The following PEX7 variants were observed in gnomAD, a reference collection of about 807,000 sequenced individuals.
PEX7 encodes the protein PTS2 receptor.
PEX7 carries 34 observed loss-of-function variants against 47.5 expected under a neutral mutation model. The ratio of observed to expected loss-of-function variants is 0.72; its 90% CI spans 0.54 to 0.95. The LOEUF (loss-of-function observed/expected upper bound fraction) is 0.95. Among genes scored for constraint, PEX7 ranks in the 40% least tolerant of loss-of-function variants. The probability of loss-of-function intolerance (pLI) is 0.00; values close to 1 mark genes in which losing one functional copy is unlikely to be tolerated. For missense variants in PEX7, 394 were observed against 400.3 expected (o/e 0.98, Z 0.13); for synonymous variants, 141 against 148.8 (o/e 0.95, Z 0.38).
chr6:136,863,146 T>C (rs1294863089), intron 5 of PEX7, among the ~76,000 whole-genome samples: 1 of 152,238 alleles, frequency 6.6e-6, no homozygotes, highest in African/African-American at 2.4e-5. Flanking sequence ...AAACTTATCA[T>C]TCATTTTTCA....
At chr6:136,867,407 G>A (rs1582758210) in intron 6 of PEX7, among the ~76,000 whole-genome samples, 2 of 152,006 alleles carry the variant, frequency 1.3e-5, no homozygotes, top group African/African-American at 4.8e-5. Context: ...AGGACAAGAT[G>A]TGAAGGTAGA....
At chr6:136,823,418 G>A in intron 1 of PEX7, 2 of 924,312 alleles carry the variant, frequency 2.2e-6, no homozygotes, top group South Asian at 5.0e-5. Flanking sequence ...CTCCCGTCGC[G>A]CGCATTGGCT....
chr6:136,828,534 G>T (rs562313757), intron 3 of PEX7, among the ~76,000 whole-genome samples: 66 of 152,300 alleles, frequency 4.3e-4, no homozygotes, highest in Middle Eastern at 3.4e-3. Flanking sequence ...AGCCCCTCTT[G>T]TCCAGGAAAC....
intron 9 of PEX7, among the ~76,000 whole-genome samples, chr6:136,899,307 A>G (rs1417830229): frequency 6.6e-6 from 1 of 151,844 alleles, no homozygotes; most frequent in East Asian, 1.9e-4. Context: ...CAGTGGCGCA[A>G]TCTTGGCTCA....
chr6:136,865,433 G>A (rs1582756819), intron 5 of PEX7, among the ~76,000 whole-genome samples: 2 of 152,070 alleles, frequency 1.3e-5, no homozygotes, highest in African/African-American at 4.8e-5. Context: ...CCAGTAGCTG[G>A]GATTACAGGC....
intron 8 of PEX7, among the ~76,000 whole-genome samples, chr6:136,879,072 C>CT (rs757643460): frequency 2.0e-5 from 3 of 151,592 alleles, no homozygotes; most frequent in Non-Finnish European, 4.4e-5. Flanking sequence ...TCTACTTTCG[C>CT]TTTTTTTTCC....
At chr6:136,857,967 G>A (rs982410105) in intron 5 of PEX7, among the ~76,000 whole-genome samples, 6 of 151,918 alleles carry the variant, frequency 3.9e-5, no homozygotes, top group Admixed American at 6.6e-5. Flanking sequence ...ACAGGTGTGC[G>A]CCACCACCCA....
intron 9 of PEX7, chr6:136,901,402 G>C (rs1775751550): frequency 6.6e-6 from 1 of 152,212 alleles, no homozygotes; most frequent in Non-Finnish European, 1.5e-5. Context: ...TCTTCTTTTG[G>C]TCTTTCCTGT....
intron 5 of PEX7, among the ~76,000 whole-genome samples, chr6:136,857,674 C>A (rs940325213): frequency 2.2e-5 from 2 of 89,316 alleles, no homozygotes; most frequent in Admixed American, 1.1e-4. Flanking sequence ...TTTGGTCATG[C>A]CATTTAAACC....
At chr6:136,877,566 A>G (rs757317322) in intron 8 of PEX7, among the ~76,000 whole-genome samples, 1 of 152,224 alleles carries the variant, frequency 6.6e-6, no homozygotes, top group Non-Finnish European at 1.5e-5. Context: ...TTTATTAAAT[A>G]GGGAAACCTT....
chr6:136,837,231 G>A (rs1261636660), intron 3 of PEX7, among the ~76,000 whole-genome samples: 1 of 151,692 alleles, frequency 6.6e-6, no homozygotes, highest in Non-Finnish European at 1.5e-5. Context: ...GGGTGTGGTG[G>A]CGGCCTCTGT....
chr6:136,901,467 A>G (rs964617846), intron 9 of PEX7: 1 of 152,298 alleles, frequency 6.6e-6, no homozygotes, highest in African/African-American at 2.4e-5. Flanking sequence ...GGGTGGTCCT[A>G]TTAGGCCTCG....
rs752243268 is a variant in PEX7 at position 136,900,649 on chromosome 6, G to C, written c.903+2408G>C. ...GCAGTCAGGGACCCCCATTTTATGA[G>C]ACAGGGCAGGCAGGAAGACAACCAG... On this transcript the variant is annotated intron_variant, in intron 9 of 9. Coordinates refer to ENST00000318471, the MANE Select transcript of PEX7 (RefSeq NM_000288.4). The surrounding 1 kb of genome is among the most constrained non-coding windows in gnomAD (Gnocchi z 4.2). 1.8e-5 allele frequency: 6 copies of C among 335,428 alleles called. No homozygotes were observed. Among genetic ancestry groups the C allele is most frequent in the Non-Finnish European group, 3.5e-5 (6 of 172,906 alleles). The allele number at this position is 335,428 out of a possible 1,614,324, so 20.8% of individuals were successfully genotyped here.
At chr6:136,845,069 A>G (rs1774570973) in intron 3 of PEX7, among the ~76,000 whole-genome samples, 1 of 152,242 alleles carries the variant, frequency 6.6e-6, no homozygotes, top group African/African-American at 2.4e-5. Context: ...AAAGTTTTCA[A>G]GTAGTTCATT....
intron 3 of PEX7, among the ~76,000 whole-genome samples, chr6:136,842,474 C>T (rs1326244617): frequency 6.6e-6 from 1 of 152,216 alleles, no homozygotes; most frequent in Non-Finnish European, 1.5e-5. Flanking sequence ...GCTGGATTCT[C>T]TTGAGCCGGT....
intron 1 of PEX7, chr6:136,823,041 G>A (rs923546576): frequency 2.0e-6 from 2 of 985,330 alleles, no homozygotes; most frequent in Non-Finnish European, 2.4e-6. Flanking sequence ...CTAGTAGCCC[G>A]TGTCCTTGTT....
chr6:136,866,251 A>G (rs1775070262), intron 5 of PEX7, among the ~76,000 whole-genome samples: 1 of 152,080 alleles, frequency 6.6e-6, no homozygotes. Context: ...TTAGCAGTAA[A>G]ATTGTTACTC....
chr6:136,829,649 A>G (rs551632496), intron 3 of PEX7, among the ~76,000 whole-genome samples: 15 of 152,320 alleles, frequency 9.8e-5, no homozygotes, highest in African/African-American at 2.9e-4. Flanking sequence ...ATAAATTAAT[A>G]AATGAGGCTG....
At position 136,897,901 on chromosome 6, in the gene PEX7, T is replaced by C. The variant is rs565097475; in HGVS notation, c.804-241T>C. 3.9e-5 allele frequency among the ~76,000 whole-genome samples: 6 copies of C among 152,014 alleles called. No individual in the cohort carries two copies. The East Asian group carries it at 5.8e-4, about 15-fold the overall frequency. On this transcript the variant is annotated intron_variant, in intron 8 of 9. Coordinates refer to ENST00000318471, the MANE Select transcript of PEX7 (RefSeq NM_000288.4). ...GTCCTAAAAGGTATACTAATGGGAG[T>C]AGAATAATCTTTTATAGGGTAGATT... is the stretch of plus-strand genomic sequence containing the variant.
Sources: gnomAD v4.1 joint callset for allele counts (sites outside exome capture counted in the v4.1 genomes callset) on GRCh38, gnomAD v4.1.1 for gene constraint, Gnocchi (gnomAD v3.1) non-coding constraint, MANE v1.5 for transcripts, NCBI Gene and HGNC (gene_info 2026-07-23, HGNC 2026-07-21) for gene names.